GRM5: variants seen among roughly 807,000 people sequenced by gnomAD.
GRM5 encodes glutamate metabotropic receptor 5, also known as metabotropic glutamate receptor 5.
GRM5 carries 19 observed loss-of-function variants against 83.1 expected under a neutral mutation model. That is an observed-to-expected ratio of 0.23 (90% CI 0.16 to 0.34). The LOEUF is 0.34. GRM5 is among the 10% of genes least tolerant of loss of function. The pLI is 1.00. For missense variants in GRM5, 1,160 were observed against 1,588.3 expected, an observed-to-expected ratio of 0.73 and a Z score of 4.58; for synonymous variants, 675 against 633.6, an observed-to-expected ratio of 1.07 and a Z score of -0.98.
intron 2 of GRM5, among the ~76,000 whole-genome samples, chr11:88,974,002 A>G (rs575392): frequency 0.11 from 17,215 of 152,132 alleles, 3,126 homozygotes; most frequent in African/African-American, 0.38. Context: ...TCAGACATTC[A>G]ATATTCTACT....
intron 7 of GRM5, among the ~76,000 whole-genome samples, chr11:88,579,950 T>C (rs182501126): frequency 8.3e-4 from 126 of 152,240 alleles, no homozygotes; most frequent in Middle Eastern, 6.8e-3. Flanking sequence ...TTAATGATGA[T>C]TGTTAGACAC....
Position 88,956,837 on chromosome 11 carries a change from A to G in GRM5, c.661+90375T>C, listed in dbSNP as rs546360726. ...AAAAGAAAAAGAAAAGCGTCGGTACAATAACTTCTATTTTGTTCTCAGCTT... is the reference window on the plus strand; with the variant it reads ...AAAAGAAAAAGAAAAGCGTCGGTACGATAACTTCTATTTTGTTCTCAGCTT... On this transcript the variant is annotated intron_variant, in intron 2 of 9. Transcript: ENST00000305447. Among the ~76,000 whole-genome samples the G allele has an allele frequency of 5.3e-5, 8 of 152,282 alleles. No homozygotes were observed. The South Asian group carries it at 8.3e-4, about 16-fold the overall frequency.
chr11:88,892,633 T>C (rs1253108720), intron 2 of GRM5, among the ~76,000 whole-genome samples: 1 of 152,008 alleles, frequency 6.6e-6, no homozygotes, highest in Admixed American at 6.6e-5. Flanking sequence ...AAATGAGCAA[T>C]GGAGAGAGAA....
intron 4 of GRM5, among the ~76,000 whole-genome samples, chr11:88,643,965 T>C (rs1486653336): frequency 6.6e-6 from 1 of 152,186 alleles, no homozygotes; most frequent in Non-Finnish European, 1.5e-5. Flanking sequence ...CAACTCTAGA[T>C]TGAAACTTAC....
At chr11:88,593,711 T>C (rs1937710017) in intron 6 of GRM5, among the ~76,000 whole-genome samples, 1 of 151,048 alleles carries the variant, frequency 6.6e-6, no homozygotes, top group South Asian at 2.1e-4. Context: ...ATGTGGAAGT[T>C]ACATTTTCCC....
At chr11:88,941,487 GA>G in intron 2 of GRM5, among the ~76,000 whole-genome samples, 1 of 103,234 alleles carries the variant, frequency 9.7e-6, no homozygotes, top group East Asian at 3.2e-4. Flanking sequence ...GAGGGGAGAG[GA>G]GGGGAGAGGA....
chr11:88,734,751 C>T (rs1272884973), intron 3 of GRM5, among the ~76,000 whole-genome samples: 1 of 151,956 alleles, frequency 6.6e-6, no homozygotes, highest in East Asian at 1.9e-4. Flanking sequence ...CATTTTTCTT[C>T]AAAATATAAC....
At chr11:88,832,141 C>A (rs1011414146) in intron 3 of GRM5, among the ~76,000 whole-genome samples, 6 of 152,154 alleles carry the variant, frequency 3.9e-5, no homozygotes, top group African/African-American at 1.4e-4. Context: ...TACACTACTG[C>A]ACACACTCAG....
At chr11:88,754,093 C>T (rs1423814991) in intron 3 of GRM5, among the ~76,000 whole-genome samples, 1 of 152,110 alleles carries the variant, frequency 6.6e-6, no homozygotes, top group Non-Finnish European at 1.5e-5. Context: ...CCATGGAATA[C>T]TATGTAGGCA....
At chr11:88,563,641 C>T (rs1346335705) in intron 8 of GRM5, among the ~76,000 whole-genome samples, 1 of 152,156 alleles carries the variant, frequency 6.6e-6, no homozygotes, top group Non-Finnish European at 1.5e-5. Flanking sequence ...CTTTATTTAC[C>T]TATTTAAGCC....
chr11:88,681,077 C>T (rs1367709908), intron 3 of GRM5, among the ~76,000 whole-genome samples: 3 of 151,368 alleles, frequency 2.0e-5, no homozygotes, highest in Non-Finnish European at 4.4e-5. Context: ...CCCTTCAAGA[C>T]ACATGTATGG....
At chr11:88,823,096 C>T (rs894903648) in intron 3 of GRM5, among the ~76,000 whole-genome samples, 1 of 151,562 alleles carries the variant, frequency 6.6e-6, no homozygotes, top group African/African-American at 2.4e-5. Context: ...CTTGTGTTTT[C>T]TCTCCTCTAT....
At chr11:88,816,347 T>C (rs1390591946) in intron 3 of GRM5, among the ~76,000 whole-genome samples, 1 of 149,704 alleles carries the variant, frequency 6.7e-6, no homozygotes, top group African/African-American at 2.5e-5. Context: ...GAGACCAGCC[T>C]GGCCAACATA....
At chr11:88,841,118 C>T (rs1285487513) in intron 3 of GRM5, among the ~76,000 whole-genome samples, 1 of 152,132 alleles carries the variant, frequency 6.6e-6, no homozygotes, top group African/African-American at 2.4e-5. Flanking sequence ...CTCCTTCCTG[C>T]CTTAAATCCT....
chr11:88,912,522 T>C (rs1945516544), intron 2 of GRM5, among the ~76,000 whole-genome samples: 1 of 140,884 alleles, frequency 7.1e-6, no homozygotes, highest in African/African-American at 2.7e-5. Context: ...TGTATGTATA[T>C]GCATGCATGT....
intron 2 of GRM5, among the ~76,000 whole-genome samples, chr11:88,916,034 A>G (rs747936101): frequency 3.9e-5 from 6 of 152,206 alleles, no homozygotes; most frequent in African/African-American, 7.2e-5. Context: ...AATAAGATAA[A>G]TTTGAGAATT....
At chr11:88,954,738 C>T (rs929023151) in intron 2 of GRM5, among the ~76,000 whole-genome samples, 11 of 152,144 alleles carry the variant, frequency 7.2e-5, no homozygotes, top group Non-Finnish European at 1.6e-4. Flanking sequence ...GTCATTTCCC[C>T]TGTGTTCTGT....
chr11:88,780,681 A>ATT (rs1332255387), intron 3 of GRM5, among the ~76,000 whole-genome samples: 1 of 152,098 alleles, frequency 6.6e-6, no homozygotes, highest in Admixed American at 6.6e-5. Context: ...ATATTTATTT[A>ATT]TTCATTATTT....
intron 2 of GRM5, among the ~76,000 whole-genome samples, chr11:88,993,182 C>T (rs1213775695): frequency 6.9e-6 from 1 of 145,648 alleles, no homozygotes; most frequent in Admixed American, 7.1e-5. Context: ...AGAAGAAGGG[C>T]GTGAGTCCAG....
Sources: allele counts gnomAD v4.1 joint callset (sites outside exome capture counted in the v4.1 genomes callset), GRCh38; gene constraint gnomAD v4.1.1; transcripts MANE v1.5; gene names NCBI Gene and HGNC (gene_info 2026-07-23, HGNC 2026-07-21).